The following HYDIN variants were observed in gnomAD, a reference collection of about 807,000 sequenced individuals.
The protein encoded by HYDIN is axonemal central pair apparatus protein HYDIN.
Under a neutral mutation model 403.9 loss-of-function variants are expected in HYDIN, and 132 were observed. The observed-to-expected ratio is 0.33, with a 90% confidence interval of 0.28 to 0.38. The LOEUF (loss-of-function observed/expected upper bound fraction) is 0.38, where lower values mean the gene tolerates loss of function less well. Among genes scored for constraint, HYDIN ranks in the 10% least tolerant of loss-of-function variants. The pLI, the probability that HYDIN is intolerant of heterozygous loss-of-function variation, is 1.00. For missense variants in HYDIN, 2,827 were observed against 5,009.5 expected, an observed-to-expected ratio of 0.56 and a Z score of 13.15; for synonymous variants, 1,202 against 1,891.7, an observed-to-expected ratio of 0.64 and a Z score of 9.46.
intron 45 of HYDIN, among the ~76,000 whole-genome samples, chr16:70,930,688 A>C (rs2077293300): frequency 1.3e-5 from 2 of 152,158 alleles, no homozygotes; most frequent in Non-Finnish European, 2.9e-5. Context: ...GGCAAACTGG[A>C]AGCAATTTGT....
intron 14 of HYDIN, among the ~76,000 whole-genome samples, chr16:71,067,790 G>C (rs1303879550): frequency 6.6e-6 from 1 of 152,028 alleles, no homozygotes; most frequent in African/African-American, 2.4e-5. Flanking sequence ...TATAGCACAA[G>C]TTCTCTTACA....
chr16:71,204,719 T>C (rs2088201579), intron 1 of HYDIN, among the ~76,000 whole-genome samples: 1 of 152,164 alleles, frequency 6.6e-6, no homozygotes, highest in South Asian at 2.1e-4. Context: ...ATCACGTTGG[T>C]AAATATTGAG....
Position 70,884,064 on chromosome 16 carries a change from C to T in HYDIN, c.9835G>A (p.Gly3279Arg), listed in dbSNP as rs2040976105. 3 of 1,613,180 alleles carry T rather than the reference C, an allele frequency of 1.9e-6. No individual in the cohort carries two copies. The highest frequency in any genetic ancestry group is 1.3e-5 in the African/African-American group (1 of 74,954). ...YPGFGSIPSG[G>R]QQVINVDCVA... ...CAGTCAACGTTGATGACCTGCTGTC[C>T]TCCGGAAGGAATGGAGCCAAACCCA... Residue 3279 changes from glycine (G) to arginine (R), a missense_variant, in exon 59 of 86, where the codon GGA becomes AGA. Transcript: ENST00000393567.
intron 1 of HYDIN, among the ~76,000 whole-genome samples, chr16:71,219,683 A>C (rs1246955171): frequency 6.6e-6 from 1 of 152,210 alleles, no homozygotes; most frequent in Non-Finnish European, 1.5e-5. Context: ...CAAATAAATT[A>C]AAAGATTGCA....
At chr16:70,812,476 A>G (rs1177160297) in intron 84 of HYDIN, among the ~76,000 whole-genome samples, 3 of 152,100 alleles carry the variant, frequency 2.0e-5, no homozygotes, top group Admixed American at 1.3e-4. Flanking sequence ...TGACAAAGCG[A>G]GACTCTGTCA....
chr16:70,904,478 C>CTTTTTTTTTTTTT (rs76148650), intron 50 of HYDIN, among the ~76,000 whole-genome samples: 2 of 25,218 alleles, frequency 7.9e-5, no homozygotes, highest in African/African-American at 9.8e-5. Flanking sequence ...ACTTGAGTAA[C>CTTTTTTTTTTTTT]TTTTTTTTTT....
At chr16:71,048,963 T>TA (rs1476067629) in intron 18 of HYDIN, among the ~76,000 whole-genome samples, 18 of 152,270 alleles carry the variant, frequency 1.2e-4, no homozygotes, top group African/African-American at 4.1e-4. Flanking sequence ...CCCAAAACAC[T>TA]AAAAAGTAGT....
intron 41 of HYDIN, among the ~76,000 whole-genome samples, chr16:70,946,919 T>A (rs2077883116): frequency 6.6e-6 from 1 of 152,192 alleles, no homozygotes; most frequent in South Asian, 2.1e-4. Flanking sequence ...AAGTTGCTTA[T>A]CAGCTTAAGG....
intron 1 of HYDIN, among the ~76,000 whole-genome samples, chr16:71,196,873 C>A (rs534068691): frequency 3.5e-4 from 54 of 152,282 alleles, no homozygotes; most frequent in Non-Finnish European, 6.6e-4. Context: ...CCTATATGGT[C>A]TAAAAAGGGG....
intron 3 of HYDIN, among the ~76,000 whole-genome samples, chr16:71,182,514 T>C (rs1243963371): frequency 6.6e-6 from 1 of 152,022 alleles, no homozygotes; most frequent in Non-Finnish European, 1.5e-5. Context: ...TAGAGAGGCA[T>C]CAGGAATACA....
intron 10 of HYDIN, among the ~76,000 whole-genome samples, chr16:71,097,545 T>G (rs1335829374): frequency 1.3e-5 from 2 of 148,500 alleles, no homozygotes; most frequent in East Asian, 3.9e-4. Flanking sequence ...TTATGAAACA[T>G]TTCCAGAACA....
At chr16:70,940,643 G>T (rs2077640760) in intron 43 of HYDIN, among the ~76,000 whole-genome samples, 1 of 152,230 alleles carries the variant, frequency 6.6e-6, no homozygotes, top group South Asian at 2.1e-4. Context: ...GAGCTTTCTG[G>T]AAAACTAGGC....
chr16:70,966,940 T>A (rs962804103), intron 36 of HYDIN, among the ~76,000 whole-genome samples: 9 of 150,392 alleles, frequency 6.0e-5, no homozygotes, highest in African/African-American at 2.0e-4. Flanking sequence ...TCTGACAATA[T>A]AGATAAAATA....
chr16:70,868,638 G>A lies in HYDIN; in HGVS notation c.11242C>T (p.Arg3748Cys), dbSNP rs12102644. ...TCCACCCACTTGACTGTGTGCATGC[G>A]GTCATCCCAGTCGGGGACCTGGTCT... ...PADQVPDWDD[R>C]MHTVKWVDVP... The change falls in exon 66 of 86, where the codon CGC (arginine) becomes TGC (cysteine). Residue 3748 changes from arginine to cysteine, a missense_variant. Transcript: ENST00000393567. 5.0e-6 allele frequency: 8 copies of A among 1,613,838 alleles called. No individual in the cohort carries two copies. Among genetic ancestry groups the A allele is most frequent in the African/African-American group, 1.3e-5 (1 of 74,834 alleles).
intron 1 of HYDIN, among the ~76,000 whole-genome samples, chr16:71,191,998 T>C (rs1449077817): frequency 6.6e-6 from 1 of 152,214 alleles, no homozygotes; most frequent in East Asian, 1.9e-4. Context: ...TTATATGTTT[T>C]AGTTACTTTA....
chr16:70,951,206 G>A (rs574867057), intron 41 of HYDIN, among the ~76,000 whole-genome samples: 2 of 151,712 alleles, frequency 1.3e-5, no homozygotes, highest in Non-Finnish European at 2.9e-5. Flanking sequence ...CTGCACTCCA[G>A]CCTGGGTGAC....
At chr16:71,211,909 G>C (rs972234752) in intron 1 of HYDIN, among the ~76,000 whole-genome samples, 3 of 152,094 alleles carry the variant, frequency 2.0e-5, no homozygotes, top group South Asian at 4.1e-4. Flanking sequence ...TAACATACAA[G>C]CTTGATGATA....
chr16:70,913,118 T>G (rs2143791955), intron 47 of HYDIN, among the ~76,000 whole-genome samples: 1 of 151,850 alleles, frequency 6.6e-6, no homozygotes, highest in Middle Eastern at 3.4e-3. Context: ...TGCTTTTTTT[T>G]TTGTTTCAAT....
chr16:70,915,012 G>C (rs1306519966), intron 47 of HYDIN, among the ~76,000 whole-genome samples: 3 of 150,850 alleles, frequency 2.0e-5, no homozygotes, highest in African/African-American at 7.3e-5. Context: ...TTTATGCTGT[G>C]TATTTCATTG....
Sources: gnomAD v4.1 joint callset for allele counts (sites outside exome capture counted in the v4.1 genomes callset) on GRCh38, gnomAD v4.1.1 for gene constraint, MANE v1.5 for transcripts, NCBI Gene and HGNC (gene_info 2026-07-23, HGNC 2026-07-21) for gene names.